The following SGPP2 variants were observed in gnomAD, a reference collection of about 807,000 sequenced individuals.
SGPP2 encodes the protein sphingosine 1-phosphate phosphohydrolase 2.
SGPP2 carries 30 observed loss-of-function variants against 33.9 expected under a neutral mutation model. That is an observed-to-expected ratio of 0.89 (90% CI 0.66 to 1.20). SGPP2 has a LOEUF of 1.20. Ranked by LOEUF, SGPP2 falls within the 50% of genes most tolerant of loss-of-function variation. SGPP2 has a pLI of 0.00. For missense variants in SGPP2, 458 were observed against 532.1 expected (o/e 0.86, Z 1.37); for synonymous variants, 233 against 225.0 (o/e 1.04, Z -0.32).
chr2:222,475,163 A>C (rs904465228), intron 2 of SGPP2, among the ~76,000 whole-genome samples: 9 of 152,184 alleles, frequency 5.9e-5, no homozygotes, highest in Non-Finnish European at 1.3e-4. Flanking sequence ...GGTGCCTCCC[A>C]GGTTCAAGCG....
chr2:222,489,430 T>A (rs961026251), intron 2 of SGPP2, among the ~76,000 whole-genome samples: 16 of 151,412 alleles, frequency 1.1e-4, no homozygotes, highest in Admixed American at 3.3e-4. Context: ...AAAAAAAAGA[T>A]CAGGGCTCAT....
chr2:222,426,110 C>T (rs984284433), intron 1 of SGPP2, among the ~76,000 whole-genome samples: 1 of 150,128 alleles, frequency 6.7e-6, no homozygotes, highest in African/African-American at 2.5e-5. Context: ...TCCAGCTACT[C>T]CGGAGGCTAA....
chr2:222,456,820 G>A (rs1438734808), intron 1 of SGPP2, among the ~76,000 whole-genome samples: 1 of 152,166 alleles, frequency 6.6e-6, no homozygotes, highest in Non-Finnish European at 1.5e-5. Context: ...AATTCCCAAA[G>A]CAGAATATTT....
At chr2:222,452,286 A>T (rs1167732124) in intron 1 of SGPP2, 2 of 535,046 alleles carry the variant, frequency 3.7e-6, no homozygotes, top group African/African-American at 3.8e-5. Flanking sequence ...CATAATGGAA[A>T]CCAGAACATG....
intron 2 of SGPP2, among the ~76,000 whole-genome samples, chr2:222,511,719 G>A (rs183637971): frequency 2.0e-5 from 3 of 152,248 alleles, no homozygotes; most frequent in Admixed American, 1.3e-4. Flanking sequence ...CAGGGTCTTG[G>A]TCTGTCACCC....
At chr2:222,535,859 G>A (rs1446805257) in intron 4 of SGPP2, among the ~76,000 whole-genome samples, 2 of 152,218 alleles carry the variant, frequency 1.3e-5, no homozygotes, top group East Asian at 3.8e-4. Flanking sequence ...ATTGGGAAGT[G>A]GCTGGTTTCT....
At chr2:222,486,606 TAC>T (rs1219256722) in intron 2 of SGPP2, among the ~76,000 whole-genome samples, 5 of 152,216 alleles carry the variant, frequency 3.3e-5, no homozygotes, top group Admixed American at 3.3e-4. Flanking sequence ...AGGTCCTGAC[TAC>T]ATGCTAGATG....
intron 4 of SGPP2, among the ~76,000 whole-genome samples, chr2:222,542,969 C>T (rs1699020026): frequency 1.3e-5 from 2 of 151,996 alleles, no homozygotes; most frequent in South Asian, 4.1e-4. Context: ...TGTATTATTA[C>T]TCATAGAGAT....
In SGPP2 at chr2:222,559,058, AG is replaced by A; in HGVS notation, c.*161del. 1.4e-6 allele frequency: 1 copy of A among 696,244 alleles called. No homozygotes were observed. The highest frequency in any genetic ancestry group is 2.3e-6 in the Non-Finnish European group (1 of 425,652). The allele number at this position is 696,244 out of a possible 1,614,324, so 43.1% of individuals were successfully genotyped here. On this transcript the variant is annotated 3_prime_UTR_variant, in exon 5 of 5. Transcript: ENST00000321276. ...TAAATGATGCTGCTGTGTGAAAGGA[AG>A]AACTGTCTCATAGCGGTCATTGGTC...
intron 2 of SGPP2, among the ~76,000 whole-genome samples, chr2:222,508,216 A>G (rs377273927): frequency 5.8e-4 from 88 of 152,310 alleles, no homozygotes; most frequent in African/African-American, 2.0e-3. Flanking sequence ...AAGAATTAAG[A>G]TAATAGAGTT....
intron 4 of SGPP2, among the ~76,000 whole-genome samples, chr2:222,556,007 A>G (rs1471497129): frequency 6.6e-6 from 1 of 152,186 alleles, no homozygotes; most frequent in Admixed American, 6.5e-5. Flanking sequence ...CTTCAACTCC[A>G]TAATTTCCCA....
At chr2:222,448,043 A>G (rs1462328828) in intron 1 of SGPP2, among the ~76,000 whole-genome samples, 1 of 152,192 alleles carries the variant, frequency 6.6e-6, no homozygotes, top group African/African-American at 2.4e-5. Context: ...TAGAATCCCA[A>G]GTGACCAGGT....
Position 222,450,037 on chromosome 2 carries a change from A to G in SGPP2, c.220-24531A>G, listed in dbSNP as rs560516029. Among the ~76,000 whole-genome samples the G allele has an allele frequency of 1.0e-3, 159 of 152,340 alleles. 3 individuals carry two copies. The highest frequency in any genetic ancestry group is 8.5e-3 in the South Asian group (41 of 4,826). On this transcript the variant is annotated intron_variant, in intron 1 of 4. Coordinates refer to ENST00000321276, the MANE Select transcript of SGPP2 (RefSeq NM_152386.4). ...AAATTGACATTTTTGTGTATCAACA[A>G]TAATCAAATATTGTCAATTTCATGT...
At chr2:222,435,872 T>G (rs1407496577) in intron 1 of SGPP2, among the ~76,000 whole-genome samples, 1 of 152,228 alleles carries the variant, frequency 6.6e-6, no homozygotes, top group Non-Finnish European at 1.5e-5. Context: ...CCCTTTGCCT[T>G]CAGCAAGCAC....
At position 222,476,325 on chromosome 2, in the gene SGPP2, G is replaced by A. The variant is rs1434419762; in HGVS notation, c.378+1599G>A. Among the ~76,000 whole-genome samples the A allele has an allele frequency of 1.3e-5, 2 of 152,032 alleles. No individual in the cohort carries two copies. The highest frequency in any genetic ancestry group is 6.6e-5 in the Admixed American group (1 of 15,260). ...GGCCAGGGTGAGGGGTGGCAAGGGC[G>A]GGGTATCCACACAAATTCTTCACCA... On this transcript the variant is annotated intron_variant, in intron 2 of 4. Coordinates refer to ENST00000321276, the MANE Select transcript of SGPP2 (RefSeq NM_152386.4). The surrounding 1 kb of genome is among the most constrained non-coding windows in gnomAD (Gnocchi z 4.3).
At chr2:222,446,101 C>T (rs371447160) in intron 1 of SGPP2, among the ~76,000 whole-genome samples, 1 of 152,172 alleles carries the variant, frequency 6.6e-6, no homozygotes, top group Non-Finnish European at 1.5e-5. Flanking sequence ...TAGGTGAACA[C>T]TCTGGGGGCT....
At chr2:222,441,046 G>A (rs1410257674) in intron 1 of SGPP2, among the ~76,000 whole-genome samples, 1 of 152,246 alleles carries the variant, frequency 6.6e-6, no homozygotes, top group African/African-American at 2.4e-5. Context: ...TTGTCCATGT[G>A]TAATTTCATT....
intron 1 of SGPP2, among the ~76,000 whole-genome samples, chr2:222,433,039 G>A (rs1697180149): frequency 8.2e-6 from 1 of 122,160 alleles, no homozygotes; most frequent in Non-Finnish European, 1.6e-5. Context: ...AAGAGAGAAA[G>A]AAAGAAAGAA....
At chr2:222,525,156 T>C in intron 4 of SGPP2, 123 bp downstream of exon 4, 5 of 654,388 alleles carry the variant, frequency 7.6e-6, no homozygotes, top group Non-Finnish European at 1.3e-5. Flanking sequence ...TTTCTCATCA[T>C]GCCAATGCAT....
Sources: gnomAD v4.1 joint callset for allele counts (sites outside exome capture counted in the v4.1 genomes callset) on GRCh38, gnomAD v4.1.1 for gene constraint, Gnocchi (gnomAD v3.1) non-coding constraint, MANE v1.5 for transcripts, NCBI Gene and HGNC (gene_info 2026-07-23, HGNC 2026-07-21) for gene names.